GRAMD2A: variants seen among roughly 807,000 people sequenced by gnomAD.
GRAMD2A encodes the protein GRAM domain-containing protein 2A.
Under a neutral mutation model 51.1 loss-of-function variants are expected in GRAMD2A, and 37 were observed. That is an observed-to-expected ratio of 0.72 (90% CI 0.56 to 0.95). GRAMD2A has a LOEUF of 0.95. Among genes scored for constraint, GRAMD2A ranks in the 40% least tolerant of loss-of-function variants. The pLI, the probability that GRAMD2A is intolerant of heterozygous loss-of-function variation, is 0.00. For missense variants in GRAMD2A, 414 were observed against 426.9 expected (o/e 0.97, Z 0.27); for synonymous variants, 136 against 157.1 (o/e 0.87, Z 1.01).
intron 1 of GRAMD2A, among the ~76,000 whole-genome samples, chr15:72,185,945 A>T (rs1289014509): frequency 1.3e-5 from 2 of 152,264 alleles, no homozygotes; most frequent in African/African-American, 4.8e-5. Context: ...TATCAGGAAA[A>T]GTTTTTCTAA....
chr15:72,168,582 C>T lies in GRAMD2A; in HGVS notation c.193-16G>A, dbSNP rs1211330363. 23 of 1,610,812 alleles carry T rather than the reference C, an allele frequency of 1.4e-5. No individual in the cohort carries two copies. Among genetic ancestry groups the T allele is most frequent in the African/African-American group, 2.7e-5 (2 of 74,892 alleles). Reference sequence around the variant, plus strand: ...TCAGTGTTATCTGCAAACACACAGGCTGCGTCTGAGAAGCGCTGGGAGATG... The same window carrying T: ...TCAGTGTTATCTGCAAACACACAGGTTGCGTCTGAGAAGCGCTGGGAGATG... On this transcript the variant is annotated splice_polypyrimidine_tract_variant and intron_variant, in intron 3 of 11. Coordinates refer to ENST00000309731, the MANE Select transcript of GRAMD2A (RefSeq NM_001012642.3).
At chr15:72,197,265 C>T (rs1250882418) in intron 1 of GRAMD2A, among the ~76,000 whole-genome samples, 1 of 152,192 alleles carries the variant, frequency 6.6e-6, no homozygotes, top group Non-Finnish European at 1.5e-5. Context: ...ACGGATTCGG[C>T]GGCGAGAGGA....
At chr15:72,164,122 C>T (rs984316120) in intron 8 of GRAMD2A, among the ~76,000 whole-genome samples, 1 of 152,198 alleles carries the variant, frequency 6.6e-6, no homozygotes, top group Non-Finnish European at 1.5e-5. Context: ...CAAGCCCTAA[C>T]CTTGGCAGGG....
intron 1 of GRAMD2A, among the ~76,000 whole-genome samples, chr15:72,192,585 G>T (rs183435430): frequency 2.9e-3 from 444 of 152,326 alleles, no homozygotes; most frequent in Non-Finnish European, 4.6e-3. Flanking sequence ...TGCCCACGCT[G>T]CTGTGCGGTG....
At chr15:72,167,706 G>T in intron 5 of GRAMD2A, 30 bp downstream of exon 5, 1 of 1,537,062 alleles carries the variant, frequency 6.5e-7, no homozygotes, top group Non-Finnish European at 9.0e-7. Context: ...CCCTCACAGG[G>T]TCATGGCAGC....
intron 1 of GRAMD2A, among the ~76,000 whole-genome samples, chr15:72,193,880 C>T (rs770779904): frequency 6.6e-6 from 1 of 152,186 alleles, no homozygotes; most frequent in Non-Finnish European, 1.5e-5. Flanking sequence ...GGCGAGGAAT[C>T]ACTTTCTCCT....
chr15:72,188,389 A>C (rs1290490429), intron 1 of GRAMD2A, among the ~76,000 whole-genome samples: 1 of 152,096 alleles, frequency 6.6e-6, no homozygotes, highest in African/African-American at 2.4e-5. Flanking sequence ...GAGGAGAAAA[A>C]AAGGAAGTAC....
rs1321184908 is a variant in GRAMD2A, at chr15:72,161,188, C to T, written c.*821G>A. 1 of 152,284 alleles carries T rather than the reference C, an allele frequency of 6.6e-6. No homozygotes were observed. Among genetic ancestry groups the T allele is most frequent in the African/African-American group, 2.4e-5 (1 of 41,464 alleles). 9.4% of individuals were successfully genotyped at this position (152,284 alleles called of 1,614,324 possible). On this transcript the variant is annotated 3_prime_UTR_variant, in exon 12 of 12. Transcript: ENST00000309731. ...GGGACACCTTAGAAATGTTTGAGCA[C>T]ACAAGGGCAAAACCCAGTACCAGGT...
intron 1 of GRAMD2A, among the ~76,000 whole-genome samples, chr15:72,182,899 G>T (rs892376431): frequency 3.9e-5 from 6 of 152,146 alleles, no homozygotes; most frequent in African/African-American, 1.4e-4. Flanking sequence ...CTACTGAACT[G>T]TGCACTCTGT....
In GRAMD2A at chr15:72,182,362, C is replaced by CAA. The variant is rs36075463; in HGVS notation, c.42-12425_42-12424dup. 9.7e-3 allele frequency among the ~76,000 whole-genome samples: 444 copies of CAA among 45,590 alleles called. 2 individuals are homozygous for CAA. Among genetic ancestry groups the CAA allele is most frequent in the Middle Eastern group, 0.016 (1 of 64 alleles). The allele number at this position is 45,590 out of a possible 152,430, so 29.9% of individuals were successfully genotyped here. A position where few individuals can be genotyped will look rare whatever the true frequency, so the allele number is the denominator to read the frequency against. On this transcript the variant is annotated intron_variant, in intron 1 of 11. Transcript: ENST00000309731. ...CCTGGGCGACAGAGTGAGACTGTCT[C>CAA]AAAAAAAAAAAAAAAAAAAAAAACC... is the stretch of plus-strand genomic sequence containing the variant.
At chr15:72,175,837 T>A (rs1209095513) in intron 1 of GRAMD2A, 1 of 152,176 alleles carries the variant, frequency 6.6e-6, no homozygotes, top group Non-Finnish European at 1.5e-5. Context: ...GCTGAATGAA[T>A]GAAGGAGAGA....
At chr15:72,177,750 CAG>C (rs1380684593) in intron 1 of GRAMD2A, among the ~76,000 whole-genome samples, 2 of 152,170 alleles carry the variant, frequency 1.3e-5, no homozygotes, top group Non-Finnish European at 2.9e-5. Flanking sequence ...CTTTTTGAGA[CAG>C]AGTCTCACTC....
intron 1 of GRAMD2A, among the ~76,000 whole-genome samples, chr15:72,190,888 T>G (rs907659273): frequency 2.6e-5 from 4 of 152,162 alleles, no homozygotes; most frequent in Admixed American, 6.5e-5. Flanking sequence ...TCTGAGGAAA[T>G]GCAAAAAGGA....
chr15:72,162,661 C>T, intron 10 of GRAMD2A: 1 of 316,776 alleles, frequency 3.2e-6, no homozygotes, highest in Non-Finnish European at 5.9e-6. Flanking sequence ...AGTCATCCTA[C>T]CCTCTCTCTC....
intron 1 of GRAMD2A, among the ~76,000 whole-genome samples, chr15:72,188,266 G>A (rs1357361962): frequency 6.6e-6 from 1 of 151,894 alleles, no homozygotes. Context: ...GAACCCAGGA[G>A]GCGGAAATTA....
intron 1 of GRAMD2A, among the ~76,000 whole-genome samples, chr15:72,197,138 C>T (rs1354666862): frequency 6.6e-6 from 1 of 152,226 alleles, no homozygotes; most frequent in Non-Finnish European, 1.5e-5. Flanking sequence ...GACCAGGTCT[C>T]GAGGCCGGGA....
Position 72,170,422 on chromosome 15 carries a change from C to A in GRAMD2A, c.42-483G>T. On this transcript the variant is annotated intron_variant, in intron 1 of 11. Coordinates refer to ENST00000309731, the MANE Select transcript of GRAMD2A (RefSeq NM_001012642.3). The surrounding 1 kb of genome is among the most constrained non-coding windows in gnomAD (Gnocchi z 4.5). ...TTATCAAAGCTCAGGAGCTGATGCG[C>A]TGAAGGTGTGGGAGGTGGACGCCCA... The A allele has an allele frequency of 2.2e-6, 1 of 456,174 alleles. No individual in the cohort carries two copies. Among genetic ancestry groups the A allele is most frequent in the South Asian group, 1.5e-5 (1 of 64,558 alleles). The allele number at this position is 456,174 out of a possible 1,614,324, so 28.3% of individuals were successfully genotyped here.
chr15:72,171,127 G>A (rs1332598406), intron 1 of GRAMD2A, among the ~76,000 whole-genome samples: 1 of 152,194 alleles, frequency 6.6e-6, no homozygotes, highest in Admixed American at 6.5e-5. Context: ...TGGCCATGTG[G>A]CCTGGTTACC....
intron 1 of GRAMD2A, among the ~76,000 whole-genome samples, chr15:72,176,771 ACCT>A (rs2081655943): frequency 1.4e-5 from 2 of 142,386 alleles, no homozygotes; most frequent in African/African-American, 5.3e-5. Context: ...CACTCAGCTC[ACCT>A]CCTACTTCAG....
Sources: allele counts gnomAD v4.1 joint callset (sites outside exome capture counted in the v4.1 genomes callset), GRCh38; gene constraint gnomAD v4.1.1; non-coding constraint Gnocchi (gnomAD v3.1); transcripts MANE v1.5; gene names NCBI Gene and HGNC (gene_info 2026-07-23, HGNC 2026-07-21).